Variants in PCDHGB3 observed in about 807,000 individuals in gnomAD.
The protein encoded by PCDHGB3 is protocadherin gamma-B3.
A neutral mutation model predicts 59.2 loss-of-function variants in PCDHGB3; 40 were observed. The observed-to-expected ratio is 0.68, with a 90% CI of 0.52 to 0.88. The LOEUF (loss-of-function observed/expected upper bound fraction) is 0.88, where lower values mean the gene tolerates loss of function less well. Ranked by LOEUF, PCDHGB3 falls within the 40% of genes least tolerant of loss-of-function variation. PCDHGB3 has a pLI of 0.00. For synonymous variants in PCDHGB3, 581 were observed against 503.6 expected, an observed-to-expected ratio of 1.15 and a Z score of -2.06; for missense variants, 1,309 against 1,187.9, an observed-to-expected ratio of 1.10 and a Z score of -1.50.
At position 141,431,828 on chromosome 5, in the gene PCDHGB3, C is replaced by G. The variant is rs750949066; in HGVS notation, c.2415+59019C>G. ...CCTCACCTCTCTCGCCAGCTCGGTTCCCGAAAACTCTCCCAGAGGGACATT... is the reference window on the plus strand; with the variant it reads ...CCTCACCTCTCTCGCCAGCTCGGTTGCCGAAAACTCTCCCAGAGGGACATT... On this transcript the variant is annotated intron_variant, in intron 1 of 3. Coordinates refer to ENST00000576222, the MANE Select transcript of PCDHGB3 (RefSeq NM_018924.5). This position sits in a 1 kb window ranked among gnomAD's most constrained non-coding sequence, Gnocchi z 4.8. The G allele has an allele frequency of 5.6e-6, 9 of 1,610,208 alleles. No homozygotes were observed. Among genetic ancestry groups the G allele is most frequent in the Non-Finnish European group, 1.7e-6 (2 of 1,176,374 alleles).
chr5:141,382,904 C>G, intron 1 of PCDHGB3: 1 of 1,543,132 alleles, frequency 6.5e-7, no homozygotes, highest in Non-Finnish European at 8.7e-7. Context: ...ACGACTATGG[C>G]GGCTCAGCCG....
intron 2 of PCDHGB3, among the ~76,000 whole-genome samples, chr5:141,503,334 C>T (rs2099819255): frequency 6.6e-6 from 1 of 152,072 alleles, no homozygotes; most frequent in Admixed American, 6.6e-5. Context: ...CGGTGGCTCA[C>T]GCCTGTAATT....
chr5:141,488,552 A>C (rs993681273), intron 1 of PCDHGB3, among the ~76,000 whole-genome samples: 1 of 152,194 alleles, frequency 6.6e-6, no homozygotes, highest in African/African-American at 2.4e-5. Context: ...GTCAGCTGAC[A>C]TTGAGATTTC....
chr5:141,465,865 G>A (rs374058078), intron 1 of PCDHGB3, among the ~76,000 whole-genome samples: 7 of 151,900 alleles, frequency 4.6e-5, no homozygotes, highest in African/African-American at 1.7e-4. Flanking sequence ...GCTCATGCCT[G>A]TAATCCCAGC....
intron 3 of PCDHGB3, 87 bp from the exon 4 acceptor site, chr5:141,510,854 TGTATAG>T: frequency 6.2e-7 from 1 of 1,602,320 alleles, no homozygotes; most frequent in Non-Finnish European, 8.5e-7. Flanking sequence ...CCCAGGGTGC[TGTATAG>T]GCATTCATTA....
At chr5:141,376,603 G>A (rs1772884003) in intron 1 of PCDHGB3, 1 of 1,516,632 alleles carries the variant, frequency 6.6e-7, no homozygotes, top group East Asian at 2.3e-5. Context: ...TGTTATAGAA[G>A]CGAACCTCTT....
At chr5:141,422,745 C>G (rs1380262961) in intron 1 of PCDHGB3, 15 of 1,610,564 alleles carry the variant, frequency 9.3e-6, no homozygotes, top group Non-Finnish European at 1.3e-5. Flanking sequence ...CCTCCTATGT[C>G]TCTATTAACT....
In PCDHGB3 at chr5:141,372,739, G is replaced by A. The variant is rs778027776; in HGVS notation, c.2345G>A (p.Cys782Tyr). ...AENAAPQDLLCDEASWFESND... is the reference protein window; with the variant it reads ...AENAAPQDLLYDEASWFESND... ...AATGCTGCACCACAAGATCTTCTAT[G>A]TGATGAAGCCTCTTGGTTTGAAAGT... Residue 782 changes from cysteine (C) to tyrosine (Y), a missense_variant, in exon 1 of 4, where the codon TGT becomes TAT. Cys to Tyr is a radical substitution (Grantham distance 194). Coordinates refer to ENST00000576222, the MANE Select transcript of PCDHGB3 (RefSeq NM_018924.5). The A allele has an allele frequency of 6.2e-7, 1 of 1,613,668 alleles. No individual in the cohort carries two copies. The highest frequency in any genetic ancestry group is 8.5e-7 in the Non-Finnish European group (1 of 1,179,658).
chr5:141,469,704 C>T (rs1038504640), intron 1 of PCDHGB3, among the ~76,000 whole-genome samples: 9 of 152,340 alleles, frequency 5.9e-5, no homozygotes, highest in African/African-American at 1.9e-4. Flanking sequence ...ACCTAGTAAT[C>T]ACACTATTAG....
intron 1 of PCDHGB3, among the ~76,000 whole-genome samples, chr5:141,483,980 G>C (rs1379963326): frequency 2.0e-5 from 3 of 148,294 alleles, no homozygotes; most frequent in African/African-American, 7.5e-5. Flanking sequence ...CAAGGGAGTA[G>C]CTAGGTTGCT....
intron 1 of PCDHGB3, chr5:141,418,939 C>G: frequency 6.2e-7 from 1 of 1,613,760 alleles, no homozygotes; most frequent in Non-Finnish European, 8.5e-7. Context: ...TGGAGGATTC[C>G]CCTCCAGGAG....
intron 1 of PCDHGB3, chr5:141,375,808 G>A (rs992921332): frequency 6.2e-7 from 1 of 1,614,226 alleles, no homozygotes; most frequent in Non-Finnish European, 8.5e-7. Context: ...CCACTGGCGT[G>A]GAGCTGGCGC....
intron 1 of PCDHGB3, chr5:141,478,025 A>G (rs939969624): frequency 1.9e-6 from 3 of 1,614,146 alleles, no homozygotes; most frequent in Non-Finnish European, 2.5e-6. Flanking sequence ...AGTCCAAGAC[A>G]CAGATTCACC....
intron 1 of PCDHGB3, chr5:141,375,075 C>T (rs772132262): frequency 6.2e-6 from 10 of 1,613,926 alleles, no homozygotes; most frequent in East Asian, 4.5e-5. Flanking sequence ...CGAGACAGAG[C>T]GAAAGTCTTA....
intron 1 of PCDHGB3, among the ~76,000 whole-genome samples, chr5:141,492,095 CT>C (rs1047956109): frequency 6.6e-6 from 1 of 152,232 alleles, no homozygotes; most frequent in African/African-American, 2.4e-5. Context: ...CTTCGCCGGT[CT>C]GTAGATTTCC....
intron 1 of PCDHGB3, chr5:141,389,945 G>A (rs2150405694): frequency 1.9e-6 from 3 of 1,614,056 alleles, no homozygotes; most frequent in Middle Eastern, 1.6e-4. Context: ...CTGAGCTGCA[G>A]TTTTACCTAG....
In PCDHGB3 at chr5:141,372,572, C is replaced by T. The variant is rs1199574805; in HGVS notation, c.2178C>T (p.Tyr726=). ...CCTCCAGACCCGCCACTGAGGGCTA[C>T]TTTCAGCCTGGTGTCTGCTTCAAGA... ...RCSSRPATEG[Y]FQPGVCFKTV... The change falls in exon 1 of 4, where the codon TAC becomes TAT. Residue 726 remains tyrosine (Y), a synonymous_variant. Coordinates refer to ENST00000576222, the MANE Select transcript of PCDHGB3 (RefSeq NM_018924.5). 2.5e-6 allele frequency: 4 copies of T among 1,614,056 alleles called. No individual in the cohort carries two copies. Among genetic ancestry groups the T allele is most frequent in the East Asian group, 4.5e-5 (2 of 44,880 alleles).
At chr5:141,451,561 C>T (rs1412657561) in intron 1 of PCDHGB3, among the ~76,000 whole-genome samples, 2 of 152,096 alleles carry the variant, frequency 1.3e-5, no homozygotes, top group Non-Finnish European at 2.9e-5. Flanking sequence ...ATGAAAGCCA[C>T]AATCTTTTTA....
At chr5:141,430,829 T>A (rs763916884) in intron 1 of PCDHGB3, 1 of 1,554,558 alleles carries the variant, frequency 6.4e-7, no homozygotes, top group Non-Finnish European at 8.7e-7. Context: ...GGGGACTCTG[T>A]GGGAGACCGG....
Sources: allele counts gnomAD v4.1 joint callset (sites outside exome capture counted in the v4.1 genomes callset), GRCh38; gene constraint gnomAD v4.1.1; non-coding constraint Gnocchi (gnomAD v3.1); transcripts MANE v1.5; gene names NCBI Gene and HGNC (gene_info 2026-07-23, HGNC 2026-07-21).